UGGT2: variants seen among roughly 807,000 people sequenced by gnomAD.
The protein encoded by UGGT2 is UDP-glucose glycoprotein glucosyltransferase 2, also known as UDP-glucose:glycoprotein glucosyltransferase 2.
Under a neutral mutation model 192.1 loss-of-function variants are expected in UGGT2, and 180 were observed. The ratio of observed to expected loss-of-function variants is 0.94; its 90% CI spans 0.83 to 1.06. The LOEUF is 1.06. Among genes scored for constraint, UGGT2 ranks in the 50% least tolerant of loss-of-function variants. The probability of loss-of-function intolerance (pLI) is 0.00; values close to 1 mark genes in which losing one functional copy is unlikely to be tolerated. For missense variants in UGGT2, 1,849 were observed against 1,795.7 expected (o/e 1.03, Z -0.54); for synonymous variants, 580 against 591.0 (o/e 0.98, Z 0.27).
intron 11 of UGGT2, among the ~76,000 whole-genome samples, chr13:95,971,618 T>TA (rs1371713343): frequency 6.6e-6 from 1 of 152,206 alleles, no homozygotes; most frequent in Non-Finnish European, 1.5e-5. Flanking sequence ...CTACTTCCTT[T>TA]AAACCTGTTT....
intron 17 of UGGT2, among the ~76,000 whole-genome samples, chr13:95,930,174 T>C (rs1398875733): frequency 6.6e-6 from 1 of 152,182 alleles, no homozygotes; most frequent in Non-Finnish European, 1.5e-5. Context: ...GATATTAGAA[T>C]TTTGTCGGAT....
intron 38 of UGGT2, among the ~76,000 whole-genome samples, chr13:95,817,447 G>A (rs925526083): frequency 1.3e-5 from 2 of 152,102 alleles, no homozygotes; most frequent in African/African-American, 4.8e-5. Context: ...AGCTGGGCAT[G>A]GTGGCACATG....
At position 96,013,474 on chromosome 13, in the gene UGGT2, G is replaced by GT; in HGVS notation, c.492dup (p.Pro165ThrfsTer5). On this transcript the variant is annotated frameshift_variant, in exon 5 of 39. Coordinates refer to ENST00000376747, the MANE Select transcript of UGGT2 (RefSeq NM_020121.4). LOFTEE classifies it high-confidence loss of function. ...TTGTGATCTCCTTTAAATAGATAAGGTCTAGTCCTAAGATAAAAGCAAAAC... is the reference window on the plus strand; with the variant it reads ...TTGTGATCTCCTTTAAATAGATAAGGTTCTAGTCCTAAGATAAAAGCAAAAC... The GT allele has an allele frequency of 6.5e-7, 1 of 1,530,744 alleles. No homozygotes were observed. The allele number at this position is 1,530,744 out of a possible 1,614,324, so 94.8% of individuals were successfully genotyped here.
chr13:95,854,547 A>G, intron 34 of UGGT2, 72 bp from the exon 35 acceptor site: 1 of 1,321,126 alleles, frequency 7.6e-7, no homozygotes, highest in Non-Finnish European at 1.0e-6. Flanking sequence ...GGAATCTCAA[A>G]TCATTATTAC....
At chr13:96,024,250 T>C (rs2052600429) in intron 2 of UGGT2, among the ~76,000 whole-genome samples, 1 of 152,178 alleles carries the variant, frequency 6.6e-6, no homozygotes, top group Non-Finnish European at 1.5e-5. Context: ...TCTTCAAAAC[T>C]AAATGTCATC....
At chr13:95,868,129 CT>C (rs1890848315) in intron 29 of UGGT2, among the ~76,000 whole-genome samples, 1 of 152,170 alleles carries the variant, frequency 6.6e-6, no homozygotes, top group Non-Finnish European at 1.5e-5. Flanking sequence ...AGTATAGTTA[CT>C]TTTGAGTTGT....
Position 95,837,166 on chromosome 13 carries a change from T to C in UGGT2, c.4321A>G (p.Lys1441Glu), listed in dbSNP as rs751073685. 1 of 1,613,992 alleles carries C rather than the reference T, an allele frequency of 6.2e-7. No individual in the cohort carries two copies. Among genetic ancestry groups the C allele is most frequent in the African/African-American group, 1.3e-5 (1 of 75,044 alleles). ...PNNMIYQVAI[K>E]SLPQDWLWCE... ...CACAGCCAGTCTTGAGGAAGAGACT[T>C]AATGGCGACTTGGTAAATCATATTA... is the stretch of plus-strand genomic sequence containing the variant. Residue 1441 changes from lysine to glutamate, a missense_variant, in exon 37 of 39, where the codon AAG becomes GAG. Transcript: ENST00000376747.
At chr13:95,877,555 T>C (rs1891824527) in intron 28 of UGGT2, 143 bp downstream of exon 28, 1 of 1,092,064 alleles carries the variant, frequency 9.2e-7, no homozygotes, top group Non-Finnish European at 1.3e-6. Context: ...CCCCATTTTT[T>C]ATTTATCTTA....
intron 27 of UGGT2, among the ~76,000 whole-genome samples, chr13:95,879,438 A>G (rs2047429493): frequency 1.3e-5 from 2 of 152,102 alleles, no homozygotes; most frequent in Non-Finnish European, 2.9e-5. Context: ...TTATTTATTT[A>G]TTTGTTTGTT....
chr13:96,037,221 CAG>C (rs1379418493), intron 1 of UGGT2, among the ~76,000 whole-genome samples: 1 of 152,158 alleles, frequency 6.6e-6, no homozygotes. Flanking sequence ...CACCTCTAGC[CAG>C]AGTCTTGCTC....
At chr13:95,874,162 CT>C (rs1179458832) in intron 29 of UGGT2, among the ~76,000 whole-genome samples, 3 of 152,076 alleles carry the variant, frequency 2.0e-5, no homozygotes, top group Non-Finnish European at 4.4e-5. Flanking sequence ...GTCACTATAG[CT>C]TGTATTATCT....
At chr13:95,936,155 A>G (rs964289570) in intron 17 of UGGT2, among the ~76,000 whole-genome samples, 1 of 152,168 alleles carries the variant, frequency 6.6e-6, no homozygotes, top group African/African-American at 2.4e-5. Flanking sequence ...TTTTTGTCTG[A>G]CTGGGTTAGG....
intron 37 of UGGT2, 87 bp from the exon 38 acceptor site, chr13:95,833,140 C>T (rs754543081): frequency 4.0e-5 from 58 of 1,450,256 alleles, no homozygotes; most frequent in Admixed American, 1.4e-4. Context: ...AAACAAAATA[C>T]ATTTTATAAA....
intron 36 of UGGT2, among the ~76,000 whole-genome samples, chr13:95,845,377 C>CTCTTAAT (rs1555338944): frequency 2.4e-5 from 1 of 42,186 alleles, no homozygotes; most frequent in East Asian, 8.1e-4. Flanking sequence ...GTGGTGATGA[C>CTCTTAAT]TGGTATGCTG....
At chr13:96,010,688 G>A (rs977547536) in intron 5 of UGGT2, among the ~76,000 whole-genome samples, 7 of 152,138 alleles carry the variant, frequency 4.6e-5, no homozygotes, top group Admixed American at 4.6e-4. Flanking sequence ...TTTTTAAGAT[G>A]TTCTCCCACA....
At chr13:95,949,635 T>C (rs1418682038) in intron 12 of UGGT2, among the ~76,000 whole-genome samples, 181 bp from the exon 13 acceptor site, 1 of 152,234 alleles carries the variant, frequency 6.6e-6, no homozygotes, top group Non-Finnish European at 1.5e-5. Flanking sequence ...AACAATTTTA[T>C]ACTTGTGTAG....
chr13:95,905,767 C>T (rs2140309589), intron 20 of UGGT2, among the ~76,000 whole-genome samples: 1 of 152,234 alleles, frequency 6.6e-6, no homozygotes, highest in South Asian at 2.1e-4. Flanking sequence ...TTAGGATTGA[C>T]TTGGTGATGC....
At chr13:95,989,412 A>C in intron 8 of UGGT2, 1 of 173,366 alleles carries the variant, frequency 5.8e-6, no homozygotes, top group Non-Finnish European at 1.3e-5. Flanking sequence ...ATCATTACAA[A>C]TAAAGAAGAA....
chr13:96,037,867 T>C (rs530375733), intron 1 of UGGT2, among the ~76,000 whole-genome samples: 64 of 152,362 alleles, frequency 4.2e-4, no homozygotes, highest in Non-Finnish European at 8.4e-4. Context: ...AATAACGAAC[T>C]ATATAAAATA....
Sources: gnomAD v4.1 joint callset for allele counts (sites outside exome capture counted in the v4.1 genomes callset) on GRCh38, gnomAD v4.1.1 for gene constraint, MANE v1.5 for transcripts, NCBI Gene and HGNC (gene_info 2026-07-23, HGNC 2026-07-21) for gene names.